The following MALRD1 variants were observed in gnomAD, a reference collection of about 807,000 sequenced individuals.
MALRD1 encodes the protein MAM and LDL-receptor class A domain-containing protein 1.
Under a neutral mutation model 242.1 loss-of-function variants are expected in MALRD1, and 247 were observed. The observed-to-expected ratio is 1.02, with a 90% CI of 0.92 to 1.13. The LOEUF (loss-of-function observed/expected upper bound fraction) is 1.13. Ranked by LOEUF, MALRD1 falls within the 50% of genes most tolerant of loss-of-function variation. MALRD1 has a pLI of 0.00. For missense variants in MALRD1, 2,989 were observed against 2,533.1 expected (o/e 1.18, Z -3.86); for synonymous variants, 995 against 866.6 (o/e 1.15, Z -2.60).
intron 1 of MALRD1, among the ~76,000 whole-genome samples, chr10:19,062,326 G>A (rs780819807): frequency 1.3e-5 from 2 of 152,128 alleles, no homozygotes; most frequent in Admixed American, 6.5e-5. Context: ...ATGCTTTTCT[G>A]GTGGGAATGT....
chr10:19,589,519 C>T (rs1837647796), intron 33 of MALRD1, among the ~76,000 whole-genome samples: 1 of 152,120 alleles, frequency 6.6e-6, no homozygotes. Flanking sequence ...GAGAAACACT[C>T]CCTAAAGCAC....
chr10:19,264,692 AT>A (rs1839903456), intron 19 of MALRD1, among the ~76,000 whole-genome samples: 2 of 152,038 alleles, frequency 1.3e-5, no homozygotes, highest in Non-Finnish European at 2.9e-5. Context: ...TGGCCTCGTT[AT>A]CCGCCTGCCT....
intron 36 of MALRD1, among the ~76,000 whole-genome samples, chr10:19,652,188 A>G (rs1840929360): frequency 6.6e-6 from 1 of 152,190 alleles, no homozygotes; most frequent in Admixed American, 6.5e-5. Flanking sequence ...TGATGTGGAA[A>G]CCAAAAAAGC....
chr10:19,569,152 C>T (rs1836392643), intron 33 of MALRD1, among the ~76,000 whole-genome samples: 1 of 151,954 alleles, frequency 6.6e-6, no homozygotes, highest in Non-Finnish European at 1.5e-5. Context: ...ATCATCTTTG[C>T]AATTGAGGTC....
At chr10:19,584,660 T>G (rs1837299162) in intron 33 of MALRD1, among the ~76,000 whole-genome samples, 1 of 151,824 alleles carries the variant, frequency 6.6e-6, no homozygotes, top group South Asian at 2.1e-4. Context: ...TGGTCAATTT[T>G]GGAATAGGTG....
At chr10:19,730,449 CT>C (rs1835241742) in intron 38 of MALRD1, 1 of 497,942 alleles carries the variant, frequency 2.0e-6, no homozygotes. Context: ...TTTGCAATTT[CT>C]TTTATTTGCC....
chr10:19,154,170 A>C (rs900068343), intron 11 of MALRD1, among the ~76,000 whole-genome samples: 3 of 152,210 alleles, frequency 2.0e-5, no homozygotes, highest in Non-Finnish European at 4.4e-5. Context: ...ATTTAAAAAC[A>C]ATATAAACTG....
chr10:19,438,365 C>G (rs568411297), intron 28 of MALRD1, among the ~76,000 whole-genome samples: 6 of 152,224 alleles, frequency 3.9e-5, no homozygotes, highest in African/African-American at 1.4e-4. Flanking sequence ...TATGTATATA[C>G]CACATTACAT....
At chr10:19,704,777 G>GT (rs1428204941) in intron 38 of MALRD1, among the ~76,000 whole-genome samples, 2 of 152,146 alleles carry the variant, frequency 1.3e-5, no homozygotes, top group Non-Finnish European at 2.9e-5. Flanking sequence ...TGATAGAAAT[G>GT]TAAACCAAAA....
rs564333226 is a variant in MALRD1 at position 19,620,019 on chromosome 10, A to AATAATAATAATAATAAT, written c.6137+4097_6137+4098insTAATAATAATAATAATA. ...AAGTTCCTGTCTCAATAATAATAAT[A>AATAATAATAATAATAAT]AATAATAATAATAATATATTGTTTA... is the stretch of plus-strand genomic sequence containing the variant. On this transcript the variant is annotated intron_variant, in intron 36 of 39. Coordinates refer to ENST00000454679, the MANE Select transcript of MALRD1 (RefSeq NM_001142308.3). 5.9e-3 allele frequency among the ~76,000 whole-genome samples: 343 copies of AATAATAATAATAATAAT among 58,506 alleles called. 3 individuals carry two copies. Among genetic ancestry groups the AATAATAATAATAATAAT allele is most frequent in the African/African-American group, 0.012 (320 of 27,740 alleles). 38.4% of individuals were successfully genotyped at this position (58,506 alleles called of 152,430 possible).
intron 28 of MALRD1, among the ~76,000 whole-genome samples, chr10:19,422,785 C>CT (rs1833763837): frequency 6.6e-6 from 1 of 152,128 alleles, no homozygotes; most frequent in African/African-American, 2.4e-5. Flanking sequence ...TGAAGCCTCA[C>CT]TAATTAGGCT....
intron 28 of MALRD1, among the ~76,000 whole-genome samples, chr10:19,405,847 G>A (rs370393751): frequency 1.1e-3 from 122 of 112,686 alleles, no homozygotes; most frequent in African/African-American, 3.6e-3. Flanking sequence ...TTACTTTTGC[G>A]TTAGGATGCA....
In MALRD1 at chr10:19,515,464, A is replaced by G. The variant is rs568856966; in HGVS notation, c.5321-15730A>G. ...GAAACTGTAGAAGAGGCAAAATTTTATCTCTGTCCTTTCAAGGTTTTCTTT... is the reference window on the plus strand; with the variant it reads ...GAAACTGTAGAAGAGGCAAAATTTTGTCTCTGTCCTTTCAAGGTTTTCTTT... On this transcript the variant is annotated intron_variant, in intron 31 of 39. Coordinates refer to ENST00000454679, the MANE Select transcript of MALRD1 (RefSeq NM_001142308.3). Among the ~76,000 whole-genome samples the G allele has an allele frequency of 1.6e-4, 25 of 152,244 alleles. No homozygotes were observed. In the South Asian group the frequency reaches 5.2e-3, roughly 32 times the overall value.
chr10:19,719,963 A>G (rs1222011509), intron 38 of MALRD1, among the ~76,000 whole-genome samples: 1 of 151,972 alleles, frequency 6.6e-6, no homozygotes, highest in Non-Finnish European at 1.5e-5. Flanking sequence ...ATGGTATTTT[A>G]TGGGAGTGTA....
intron 18 of MALRD1, among the ~76,000 whole-genome samples, chr10:19,238,777 T>A (rs1002999718): frequency 9.4e-4 from 141 of 150,772 alleles, no homozygotes; most frequent in Non-Finnish European, 1.6e-3. Flanking sequence ...TGTTTTTTTT[T>A]AAATTTTTTA....
intron 28 of MALRD1, among the ~76,000 whole-genome samples, chr10:19,432,353 T>C (rs930675740): frequency 6.6e-6 from 1 of 152,246 alleles, no homozygotes; most frequent in Non-Finnish European, 1.5e-5. Context: ...TTTACATTTG[T>C]GCAATTTAGT....
chr10:19,651,168 A>G (rs1463703168), intron 36 of MALRD1, among the ~76,000 whole-genome samples: 2 of 152,242 alleles, frequency 1.3e-5, no homozygotes, highest in Non-Finnish European at 2.9e-5. Context: ...TTTAGTTACT[A>G]TCTTAGTTAC....
intron 36 of MALRD1, among the ~76,000 whole-genome samples, chr10:19,672,372 A>C (rs2131765941): frequency 6.7e-6 from 1 of 148,478 alleles, no homozygotes; most frequent in African/African-American, 2.5e-5. Context: ...ATGACTTTCT[A>C]GATGTGTTAT....
At chr10:19,201,774 G>A (rs1449517874) in intron 14 of MALRD1, among the ~76,000 whole-genome samples, 2 of 152,002 alleles carry the variant, frequency 1.3e-5, no homozygotes, top group Non-Finnish European at 2.9e-5. Context: ...TAATTTTTGA[G>A]CAGTATATAA....
Sources: gnomAD v4.1 joint callset for allele counts (sites outside exome capture counted in the v4.1 genomes callset) on GRCh38, gnomAD v4.1.1 for gene constraint, MANE v1.5 for transcripts, NCBI Gene and HGNC (gene_info 2026-07-23, HGNC 2026-07-21) for gene names.